The following CRACD variants were observed in gnomAD, a reference collection of about 807,000 sequenced individuals.
The protein encoded by CRACD is capping protein inhibiting regulator of actin dynamics.
A neutral mutation model predicts 106.8 loss-of-function variants in CRACD; 56 were observed. The observed-to-expected ratio is 0.52, with a 90% CI of 0.42 to 0.66. The LOEUF is 0.66. Among genes scored for constraint, CRACD ranks in the 30% least tolerant of loss-of-function variants. The probability of loss-of-function intolerance (pLI) is 0.00; values close to 1 mark genes in which losing one functional copy is unlikely to be tolerated. For synonymous variants in CRACD, 754 were observed against 670.8 expected (o/e 1.12, Z -1.92); for missense variants, 1,730 against 1,623.2 (o/e 1.07, Z -1.13).
intron 2 of CRACD, among the ~76,000 whole-genome samples, chr4:56,253,824 G>A (rs1228193701): frequency 6.6e-6 from 1 of 152,162 alleles, no homozygotes; most frequent in Non-Finnish European, 1.5e-5. Context: ...GCATTTCTAA[G>A]TCACCTGTCA....
At position 56,095,288 on chromosome 4, in the gene CRACD, G is replaced by A. The variant is rs533067847; in HGVS notation, c.-336+45989G>A. 2.0e-5 allele frequency among the ~76,000 whole-genome samples: 3 copies of A among 152,308 alleles called. No homozygotes were observed. The South Asian group carries it at 6.2e-4, about 32-fold the overall frequency. On this transcript the variant is annotated intron_variant, in intron 1 of 10. Coordinates refer to ENST00000682029, the MANE Select transcript of CRACD (RefSeq NM_001393381.1). ...ACTTGCTTGAGCCCGGGTGGTTGGG[G>A]CTCTTCTGAACTAACATTTTAGTTG...
chr4:56,281,974 C>A (rs967346588), intron 3 of CRACD, among the ~76,000 whole-genome samples: 1 of 152,286 alleles, frequency 6.6e-6, no homozygotes, highest in African/African-American at 2.4e-5. Flanking sequence ...TACACTATAG[C>A]CTATCAAATA....
intron 2 of CRACD, among the ~76,000 whole-genome samples, chr4:56,242,622 C>T (rs575481277): frequency 3.9e-5 from 6 of 152,076 alleles, no homozygotes; most frequent in South Asian, 4.2e-4. Flanking sequence ...CAGAAAAAGA[C>T]GTCGGGGGCC....
rs745793025 is a variant in CRACD at position 56,314,905 on chromosome 4, G to A, written c.1403G>A (p.Ser468Asn). Residue 468 changes from serine (S) to asparagine (N), a missense_variant, in exon 8 of 11, where the codon AGC (serine) becomes AAC (asparagine). Ser to Asn is a conservative substitution (Grantham distance 46). This residue lies in a region of CRACD where 1,620 missense variants were observed against 1,481.6 expected (regional missense o/e 1.09). Transcript: ENST00000682029. This position sits in a 1 kb window ranked among gnomAD's most constrained non-coding sequence, Gnocchi z 4.4. The stretch of plus-strand genomic sequence containing the variant: ...CGGCGAAGAGAGCAGCAGGGAAGGA[G>A]CGGGGATTTCCAGGGGGCCGATCGT... ...AERRREQQGR[S>N]GDFQGADRPG... 1.9e-6 allele frequency: 3 copies of A among 1,608,700 alleles called. No individual in the cohort carries two copies. The highest frequency in any genetic ancestry group is 2.2e-5 in the South Asian group (2 of 89,546).
In CRACD at chr4:56,291,598, A is replaced by G. The variant is rs115371326; in HGVS notation, c.-16-6616A>G. ...GAGTTGTTTGGAGCTGGAACTGGTAACCATGCTCACCAAAGATTTAATATT... is the reference window on the plus strand; with the variant it reads ...GAGTTGTTTGGAGCTGGAACTGGTAGCCATGCTCACCAAAGATTTAATATT... On this transcript the variant is annotated intron_variant, in intron 3 of 10. Coordinates refer to ENST00000682029, the MANE Select transcript of CRACD (RefSeq NM_001393381.1). Among the ~76,000 whole-genome samples the G allele has an allele frequency of 7.0e-3, 1,060 of 152,306 alleles. 14 individuals carry two copies. The highest frequency in any genetic ancestry group is 0.021 in the African/African-American group (877 of 41,562).
At chr4:56,326,766 G>GTC (rs561464572) in intron 10 of CRACD, among the ~76,000 whole-genome samples, 1 of 148,106 alleles carries the variant, frequency 6.8e-6, no homozygotes, top group South Asian at 2.1e-4. Flanking sequence ...TTGAAGCAGA[G>GTC]TCTCTCTCTG....
chr4:56,289,806 T>C (rs1743601810), intron 3 of CRACD, among the ~76,000 whole-genome samples: 1 of 152,206 alleles, frequency 6.6e-6, no homozygotes, highest in Non-Finnish European at 1.5e-5. Flanking sequence ...GCAGCCACCA[T>C]TCATATAATG....
At chr4:56,181,519 A>G (rs963631108) in intron 2 of CRACD, among the ~76,000 whole-genome samples, 2 of 152,224 alleles carry the variant, frequency 1.3e-5, no homozygotes, top group Middle Eastern at 3.2e-3. Flanking sequence ...GGCCTCTAGC[A>G]CCATATTAAT....
At chr4:56,211,774 A>G (rs992328512) in intron 2 of CRACD, among the ~76,000 whole-genome samples, 5 of 152,212 alleles carry the variant, frequency 3.3e-5, no homozygotes, top group African/African-American at 4.8e-5. Flanking sequence ...TAAAACACCA[A>G]TTAGGGAAGG....
intron 8 of CRACD, among the ~76,000 whole-genome samples, chr4:56,323,019 T>C (rs144791523): frequency 2.6e-5 from 4 of 152,210 alleles, no homozygotes; most frequent in African/African-American, 9.6e-5. Context: ...AGTTCAAAAC[T>C]CTGTCAAACA....
At chr4:56,118,297 C>G (rs1009655995) in intron 1 of CRACD, among the ~76,000 whole-genome samples, 7 of 152,198 alleles carry the variant, frequency 4.6e-5, no homozygotes, top group Non-Finnish European at 8.8e-5. Context: ...CTTCTGAGCG[C>G]TTTCATTTGT....
intron 1 of CRACD, among the ~76,000 whole-genome samples, chr4:56,176,411 A>G (rs1736583932): frequency 6.7e-6 from 1 of 150,182 alleles, no homozygotes; most frequent in African/African-American, 2.4e-5. Context: ...AACTATGAGC[A>G]TGGAATATCC....
intron 1 of CRACD, among the ~76,000 whole-genome samples, chr4:56,166,317 ATTTT>A (rs1363055856): frequency 6.6e-6 from 1 of 152,222 alleles, no homozygotes; most frequent in Non-Finnish European, 1.5e-5. Context: ...TTGCAGTGCT[ATTTT>A]AAAAAATGAA....
rs748045935 is a variant in CRACD at position 56,315,450 on chromosome 4, G to T, written c.1948G>T (p.Gly650Trp). ...RGPGDARAGS[G>W]KAKPRQESPS... is the part of the protein sequence containing the mutation. ...CCCCGGCGACGCGAGGGCGGGCAGC[G>T]GGAAGGCTAAGCCCCGCCAGGAGTC... Residue 650 changes from glycine to tryptophan, a missense_variant, in exon 8 of 11, where the codon GGG becomes TGG. Transcript: ENST00000682029. This position sits in a 1 kb window ranked among gnomAD's most constrained non-coding sequence, Gnocchi z 4.1. 1 of 1,612,958 alleles carries T rather than the reference G, an allele frequency of 6.2e-7. No individual in the cohort carries two copies. The highest frequency in any genetic ancestry group is 8.5e-7 in the Non-Finnish European group (1 of 1,179,792).
chr4:56,237,439 A>T (rs1038952579), intron 2 of CRACD, among the ~76,000 whole-genome samples: 1 of 152,166 alleles, frequency 6.6e-6, no homozygotes, highest in Non-Finnish European at 1.5e-5. Flanking sequence ...AGTAAGAAAG[A>T]TGGACCTTAG....
intron 1 of CRACD, among the ~76,000 whole-genome samples, chr4:56,115,762 A>G (rs1734256204): frequency 6.6e-6 from 1 of 152,154 alleles, no homozygotes; most frequent in South Asian, 2.1e-4. Flanking sequence ...TATTTTAGAA[A>G]CTTCCTTTCT....
At chr4:56,165,031 A>G (rs1350932796) in intron 1 of CRACD, among the ~76,000 whole-genome samples, 1 of 152,224 alleles carries the variant, frequency 6.6e-6, no homozygotes, top group East Asian at 1.9e-4. Flanking sequence ...GTCCTGACCC[A>G]GATGGCAGTT....
chr4:56,314,993 G>C lies in CRACD; in HGVS notation c.1491G>C (p.Pro497=). Residue 497 remains proline, a synonymous_variant, in exon 8 of 11, where the codon CCG becomes CCC. Coordinates refer to ENST00000682029, the MANE Select transcript of CRACD (RefSeq NM_001393381.1). This position sits in a 1 kb window ranked among gnomAD's most constrained non-coding sequence, Gnocchi z 4.4. ...DTEPLLKQEG[P]VEAAQPPVER... The stretch of plus-strand genomic sequence containing the variant: ...AGCCTCTCCTGAAACAAGAGGGGCC[G>C]GTGGAAGCCGCGCAGCCTCCGGTGG... The C allele has an allele frequency of 6.3e-7, 1 of 1,586,176 alleles. No individual in the cohort carries two copies. Among genetic ancestry groups the C allele is most frequent in the East Asian group, 2.3e-5 (1 of 43,982 alleles).
chr4:56,130,740 G>A (rs1011348837), intron 1 of CRACD, among the ~76,000 whole-genome samples: 1 of 152,000 alleles, frequency 6.6e-6, no homozygotes, highest in East Asian at 1.9e-4. Flanking sequence ...CTTTTCATGG[G>A]ACAAAATTGG....
Sources: gnomAD v4.1 joint callset for allele counts (sites outside exome capture counted in the v4.1 genomes callset) on GRCh38, gnomAD v4.1.1 for gene constraint, gnomAD v4.1.1 regional missense constraint, Gnocchi (gnomAD v3.1) non-coding constraint, MANE v1.5 for transcripts, NCBI Gene and HGNC (gene_info 2026-07-23, HGNC 2026-07-21) for gene names.